Variants in ITPK1 observed in about 807,000 individuals in gnomAD.
ITPK1 encodes the protein inositol 1,3,4-trisphosphate 5/6-kinase.
ITPK1 carries 21 observed loss-of-function variants against 45.3 expected under a neutral mutation model. That is an observed-to-expected ratio of 0.46 (90% CI 0.33 to 0.67). The LOEUF (loss-of-function observed/expected upper bound fraction) is 0.67. ITPK1 is among the 30% of genes least tolerant of loss of function. The pLI is 0.02. For missense variants in ITPK1, 474 were observed against 573.5 expected, an observed-to-expected ratio of 0.83 and a Z score of 1.77; for synonymous variants, 258 against 253.6, an observed-to-expected ratio of 1.02 and a Z score of -0.16.
At chr14:92,986,858 C>T (rs1392513109) in intron 5 of ITPK1, among the ~76,000 whole-genome samples, 1 of 152,222 alleles carries the variant, frequency 6.6e-6, no homozygotes, top group Non-Finnish European at 1.5e-5. Flanking sequence ...CTTTGAGTCT[C>T]TCCTGGGAGC....
intron 5 of ITPK1, among the ~76,000 whole-genome samples, chr14:92,988,917 G>A (rs974842546): frequency 2.6e-5 from 4 of 152,144 alleles, no homozygotes; most frequent in Non-Finnish European, 2.9e-5. Context: ...GCTGACAGAC[G>A]CACAGCTCAG....
intron 3 of ITPK1, among the ~76,000 whole-genome samples, chr14:93,059,486 GC>G (rs1890409188): frequency 9.9e-6 from 1 of 100,968 alleles, no homozygotes; most frequent in Non-Finnish European, 2.0e-5. Flanking sequence ...TGGAGGGGGT[GC>G]GGGTCTCAAG....
In ITPK1 at chr14:93,114,669, A is replaced by G. The variant is rs1400083229; in HGVS notation, c.95+400T>C. Among the ~76,000 whole-genome samples, 4 of 152,178 alleles carry G rather than the reference A, an allele frequency of 2.6e-5. 1 individual carries two copies. In the South Asian group the frequency reaches 6.2e-4, roughly 24 times the overall value. On this transcript the variant is annotated intron_variant, in intron 2 of 10. Coordinates refer to ENST00000267615, the MANE Select transcript of ITPK1 (RefSeq NM_014216.6). The stretch of plus-strand genomic sequence containing the variant: ...CCACAAACGTGGGTGCCCTTTCTTC[A>G]TGAAAGGGAAGGGGACGAAGGAAGA...
At chr14:93,102,207 T>C (rs543776165) in intron 2 of ITPK1, among the ~76,000 whole-genome samples, 12 of 152,344 alleles carry the variant, frequency 7.9e-5, no homozygotes, top group African/African-American at 2.9e-4. Context: ...GACTGGCCTC[T>C]CCACAGCTAC....
At chr14:93,049,756 T>C (rs868225150) in intron 3 of ITPK1, among the ~76,000 whole-genome samples, 2 of 20,280 alleles carry the variant, frequency 9.9e-5, no homozygotes, top group African/African-American at 2.3e-4. Flanking sequence ...AGGACGGGGG[T>C]GGGGGGTGGG....
chr14:93,026,682 T>G (rs1391120486), intron 3 of ITPK1, among the ~76,000 whole-genome samples: 1 of 152,216 alleles, frequency 6.6e-6, no homozygotes, highest in Non-Finnish European at 1.5e-5. Flanking sequence ...CTGTTTGTAA[T>G]CGCCAAAAAT....
intron 7 of ITPK1, among the ~76,000 whole-genome samples, chr14:92,960,789 G>A (rs911507042): frequency 6.6e-6 from 1 of 152,250 alleles, no homozygotes. Flanking sequence ...GGGGACCAAC[G>A]CTGCTGCTCT....
chr14:92,989,685 C>A (rs1201539186), intron 5 of ITPK1, among the ~76,000 whole-genome samples: 3 of 152,156 alleles, frequency 2.0e-5, no homozygotes, highest in Non-Finnish European at 4.4e-5. Flanking sequence ...TCCCTCCCTC[C>A]CCGAGGCCTG....
At chr14:93,059,047 C>T (rs1201408081) in intron 3 of ITPK1, among the ~76,000 whole-genome samples, 2 of 6,482 alleles carry the variant, frequency 3.1e-4, no homozygotes, top group African/African-American at 8.1e-4. Flanking sequence ...GTGCGGGTCT[C>T]GAGGCAGGGG....
intron 2 of ITPK1, among the ~76,000 whole-genome samples, chr14:93,109,207 AG>A (rs1202849489): frequency 6.6e-6 from 1 of 152,206 alleles, no homozygotes; most frequent in African/African-American, 2.4e-5. Flanking sequence ...AAAAAAAAAG[AG>A]GTAATGATAC....
intron 3 of ITPK1, among the ~76,000 whole-genome samples, chr14:93,041,683 G>C (rs1006993595): frequency 6.6e-6 from 1 of 152,226 alleles, no homozygotes; most frequent in African/African-American, 2.4e-5. Context: ...CTCTGCCACT[G>C]AGCCACCATG....
In ITPK1 at chr14:92,941,910, G is replaced by A; in HGVS notation, c.902-6C>T. 3.7e-6 allele frequency: 6 copies of A among 1,610,282 alleles called. No homozygotes were observed. In the South Asian group the frequency reaches 6.6e-5, roughly 18 times the overall value. Reference sequence around the variant, plus strand: ...CTCGCTCACGCCCTCGTAGCCTGGGGGTGGGAGAGAGACAGCACAAGGGGC... The same window carrying A: ...CTCGCTCACGCCCTCGTAGCCTGGGAGTGGGAGAGAGACAGCACAAGGGGC... On this transcript the variant is annotated splice_polypyrimidine_tract_variant and splice_region_variant and intron_variant, in intron 10 of 10. Transcript: ENST00000267615.
intron 9 of ITPK1, among the ~76,000 whole-genome samples, chr14:92,950,452 A>T (rs1230546097): frequency 6.6e-6 from 1 of 152,246 alleles, no homozygotes; most frequent in African/African-American, 2.4e-5. Context: ...TATTTTTGGA[A>T]ATCGTCAGTC....
chr14:92,978,950 C>T (rs1334783412), intron 5 of ITPK1, among the ~76,000 whole-genome samples: 1 of 152,162 alleles, frequency 6.6e-6, no homozygotes, highest in Non-Finnish European at 1.5e-5. Flanking sequence ...GACAGATCCA[C>T]CGAGAGCTTA....
At chr14:93,078,057 C>T (rs1891299425) in intron 2 of ITPK1, among the ~76,000 whole-genome samples, 1 of 152,180 alleles carries the variant, frequency 6.6e-6, no homozygotes, top group African/African-American at 2.4e-5. Flanking sequence ...TTATGATGCC[C>T]ACCTGGCACA....
chr14:92,989,025 G>A (rs534541186), intron 5 of ITPK1, among the ~76,000 whole-genome samples: 4 of 152,194 alleles, frequency 2.6e-5, no homozygotes, highest in East Asian at 1.9e-4. Flanking sequence ...GCAGCTCCCC[G>A]AGGGTTGAGA....
intron 3 of ITPK1, among the ~76,000 whole-genome samples, chr14:93,020,492 G>C (rs1888412942): frequency 6.6e-6 from 1 of 152,170 alleles, no homozygotes; most frequent in South Asian, 2.1e-4. Context: ...ATGAGTCCCA[G>C]AGCAAAAGTT....
chr14:93,043,030 A>T (rs1239290422), intron 3 of ITPK1, among the ~76,000 whole-genome samples: 1 of 151,754 alleles, frequency 6.6e-6, no homozygotes. Flanking sequence ...AAAAAGTTTC[A>T]ATCTTAACTC....
chr14:92,959,288 G>A (rs192629574), intron 7 of ITPK1, among the ~76,000 whole-genome samples: 4 of 152,288 alleles, frequency 2.6e-5, no homozygotes, highest in Admixed American at 2.6e-4. Context: ...CAGCCCGCAG[G>A]GCCCCAGGAA....
Sources: gnomAD v4.1 joint callset for allele counts (sites outside exome capture counted in the v4.1 genomes callset) on GRCh38, gnomAD v4.1.1 for gene constraint, MANE v1.5 for transcripts, NCBI Gene and HGNC (gene_info 2026-07-23, HGNC 2026-07-21) for gene names.